NXPE2: variants seen among roughly 807,000 people sequenced by gnomAD.
NXPE2 encodes NXPE family member 2.
Under a neutral mutation model 34.4 loss-of-function variants are expected in NXPE2, and 34 were observed. The ratio of observed to expected loss-of-function variants is 0.99; its 90% CI spans 0.75 to 1.31. The LOEUF is 1.31. NXPE2 is among the 40% of genes most tolerant of loss of function. The probability of loss-of-function intolerance (pLI) is 0.00; values close to 1 mark genes in which losing one functional copy is unlikely to be tolerated. For synonymous variants in NXPE2, 235 were observed against 231.3 expected, an observed-to-expected ratio of 1.02 and a Z score of -0.15; for missense variants, 649 against 672.5, an observed-to-expected ratio of 0.97 and a Z score of 0.39.
chr11:114,473,283 T>A, the NXPE2 span, among the ~76,000 whole-genome samples: 1 of 152,358 alleles, frequency 6.6e-6, no homozygotes, highest in Middle Eastern at 3.4e-3. Flanking sequence ...ATAAGTTCTT[T>A]GCTTCATCTT....
At chr11:114,494,706 G>A in the NXPE2 span, among the ~76,000 whole-genome samples, 1 of 152,114 alleles carries the variant, frequency 6.6e-6, no homozygotes, top group African/African-American at 2.4e-5. Flanking sequence ...TGTTACTGGT[G>A]TATTTAGTTT....
chr11:114,736,011 C>T, the NXPE2 span, among the ~76,000 whole-genome samples: 1 of 152,018 alleles, frequency 6.6e-6, no homozygotes, highest in Non-Finnish European at 1.5e-5. Context: ...TCCATGATGC[C>T]CCCTGAGCCA....
the NXPE2 span, among the ~76,000 whole-genome samples, chr11:114,764,391 CATG>C: frequency 1.4e-4 from 21 of 150,784 alleles, no homozygotes; most frequent in African/African-American, 5.1e-4. Context: ...AGTGAATTGA[CATG>C]ATGTCTGTTA....
At chr11:114,777,123 C>T in the NXPE2 span, among the ~76,000 whole-genome samples, 4 of 152,180 alleles carry the variant, frequency 2.6e-5, no homozygotes, top group East Asian at 3.8e-4. Flanking sequence ...TGCTTCTTAT[C>T]GCAGCAACCA....
the NXPE2 span, among the ~76,000 whole-genome samples, chr11:114,560,355 C>T: frequency 2.0e-5 from 3 of 150,522 alleles, no homozygotes; most frequent in Non-Finnish European, 4.4e-5. Context: ...ACTGCAACCT[C>T]GAACTCCTGG....
At chr11:114,548,762 A>G in the NXPE2 span, among the ~76,000 whole-genome samples, 2 of 151,980 alleles carry the variant, frequency 1.3e-5, no homozygotes, top group Non-Finnish European at 2.9e-5. Context: ...AGGAAAACAG[A>G]GTAAATCAAA....
chr11:114,746,098 CT>C, the NXPE2 span, among the ~76,000 whole-genome samples: 1 of 151,948 alleles, frequency 6.6e-6, no homozygotes, highest in East Asian at 1.9e-4. Context: ...TTTGGCTTGG[CT>C]TTAGTTGAAT....
chr11:114,584,270 C>G, the NXPE2 span: 3 of 498,504 alleles, frequency 6.0e-6, no homozygotes, highest in African/African-American at 2.0e-5. Flanking sequence ...TACTTTGGAC[C>G]ATATTTCAAG....
chr11:114,582,716 G>A, the NXPE2 span: 790 of 1,614,096 alleles, frequency 4.9e-4, 6 homozygotes, highest in African/African-American at 5.0e-3. Flanking sequence ...GGAAATCCCC[G>A]CCATATTGCT....
At chr11:114,511,917 C>G in the NXPE2 span, among the ~76,000 whole-genome samples, 1 of 152,138 alleles carries the variant, frequency 6.6e-6, no homozygotes, top group Non-Finnish European at 1.5e-5. Flanking sequence ...ATGCTGGTGC[C>G]ATGTTTATAC....
At chr11:114,527,054 GCTAA>G in the NXPE2 span, 1 of 152,172 alleles carries the variant, frequency 6.6e-6, no homozygotes, top group African/African-American at 2.4e-5. Flanking sequence ...CACATTGCAA[GCTAA>G]CTGAGCATTT....
chr11:114,729,157 G>A, the NXPE2 span, among the ~76,000 whole-genome samples: 2 of 152,094 alleles, frequency 1.3e-5, no homozygotes, highest in African/African-American at 4.8e-5. Flanking sequence ...TTATAAGTGA[G>A]AACATGTGGT....
At chr11:114,481,302 G>C in the NXPE2 span, among the ~76,000 whole-genome samples, 1 of 152,132 alleles carries the variant, frequency 6.6e-6, no homozygotes, top group Admixed American at 6.6e-5. Flanking sequence ...TTTCTTAACA[G>C]GTTTCAAAGT....
chr11:114,630,413 G>T, the NXPE2 span, among the ~76,000 whole-genome samples: 23 of 151,880 alleles, frequency 1.5e-4, no homozygotes, highest in Admixed American at 1.4e-3. Context: ...AGAAAAACAA[G>T]CAATGGGGAA....
the NXPE2 span, among the ~76,000 whole-genome samples, chr11:114,601,873 ATT>A: frequency 2.7e-4 from 1 of 3,694 alleles, no homozygotes; most frequent in African/African-American, 1.8e-3. Flanking sequence ...AATTATATAT[ATT>A]ATATATAATT....
chr11:114,542,375 A>G, the NXPE2 span, among the ~76,000 whole-genome samples: 11 of 152,198 alleles, frequency 7.2e-5, no homozygotes, highest in African/African-American at 2.7e-4. Flanking sequence ...TTCCTAAGGA[A>G]TCTACTAAAC....
At chr11:114,754,872 G>A in the NXPE2 span, among the ~76,000 whole-genome samples, 6 of 152,324 alleles carry the variant, frequency 3.9e-5, no homozygotes, top group Non-Finnish European at 8.8e-5. Context: ...GCAGTGGTTG[G>A]TGGAGGCACT....
At chr11:114,782,946 C>T in the NXPE2 span, among the ~76,000 whole-genome samples, 1 of 152,230 alleles carries the variant, frequency 6.6e-6, no homozygotes, top group African/African-American at 2.4e-5. Flanking sequence ...GATAAATTAA[C>T]TCCAGGGCTC....
At chr11:114,599,479 C>A in the NXPE2 span, among the ~76,000 whole-genome samples, 4 of 152,202 alleles carry the variant, frequency 2.6e-5, no homozygotes, top group African/African-American at 9.6e-5. Flanking sequence ...CAGTGTTCCA[C>A]TCCCCAGTGC....
Sources: gnomAD v4.1 joint callset for allele counts (sites outside exome capture counted in the v4.1 genomes callset) on GRCh38, gnomAD v4.1.1 for gene constraint, MANE v1.5 for transcripts, NCBI Gene and HGNC (gene_info 2026-07-23, HGNC 2026-07-21) for gene names.